CD200R1: variants seen among roughly 807,000 people sequenced by gnomAD.
CD200R1 encodes the protein cell surface glycoprotein CD200 receptor 1.
A neutral mutation model predicts 38.1 loss-of-function variants in CD200R1; 30 were observed. The ratio of observed to expected loss-of-function variants is 0.79; its 90% CI spans 0.59 to 1.07. CD200R1 has a LOEUF of 1.07. CD200R1 is among the 50% of genes least tolerant of loss of function. The pLI, the probability that CD200R1 is intolerant of heterozygous loss-of-function variation, is 0.00. For missense variants in CD200R1, 372 were observed against 415.4 expected, an observed-to-expected ratio of 0.90 and a Z score of 0.91; for synonymous variants, 128 against 152.1, an observed-to-expected ratio of 0.84 and a Z score of 1.16.
rs555296631 is a variant in CD200R1 at position 112,957,104 on chromosome 3, CA to C, written c.68-9181del. On this transcript the variant is annotated intron_variant, in intron 1 of 7. Coordinates refer to ENST00000308611, the MANE Select transcript of CD200R1 (RefSeq NM_138806.4). ...ATTTCCCCTCTTTCCCCCAAGTACA[CA>C]GTATTTCTCATCACACTGTGCTGTC... Among the ~76,000 whole-genome samples the C allele has an allele frequency of 4.5e-3, 679 of 152,264 alleles. 9 individuals carry two copies. The highest frequency in any genetic ancestry group is 0.016 in the South Asian group (78 of 4,818).
chr3:112,956,767 C>G (rs551412626), intron 1 of CD200R1, among the ~76,000 whole-genome samples: 1 of 152,184 alleles, frequency 6.6e-6, no homozygotes, highest in African/African-American at 2.4e-5. Flanking sequence ...AAGCCTAGTA[C>G]TACTATGGCC....
At chr3:112,965,642 T>TC (rs1456506939) in intron 1 of CD200R1, among the ~76,000 whole-genome samples, 1 of 152,088 alleles carries the variant, frequency 6.6e-6, no homozygotes, top group Non-Finnish European at 1.5e-5. Flanking sequence ...ACGCCTGTAG[T>TC]CCCAGCTCCT....
chr3:112,963,465 G>T (rs975446402), intron 1 of CD200R1, among the ~76,000 whole-genome samples: 15 of 152,328 alleles, frequency 9.8e-5, no homozygotes, highest in African/African-American at 2.4e-4. Flanking sequence ...TGAGGATCTT[G>T]TTGGGAACTG....
intron 1 of CD200R1, among the ~76,000 whole-genome samples, chr3:112,969,130 T>C (rs1240733495): frequency 6.6e-6 from 1 of 152,064 alleles, no homozygotes; most frequent in African/African-American, 2.4e-5. Flanking sequence ...AAAAAACTTT[T>C]AACAAATAAA....
Position 112,923,813 on chromosome 3 carries a change from C to G in CD200R1, c.925-14G>C. 6 of 1,506,720 alleles carry G rather than the reference C, an allele frequency of 4.0e-6. No individual in the cohort carries two copies. Among genetic ancestry groups the G allele is most frequent in the Non-Finnish European group, 5.4e-6 (6 of 1,102,902 alleles). 93.3% of individuals were successfully genotyped at this position (1,506,720 alleles called of 1,614,324 possible). Reference sequence around the variant, plus strand: ...CTGCATTTCATCCTAAGAAAGAACTCAAAGTTAAAATCAATTCAAAAAATC... The same window carrying G: ...CTGCATTTCATCCTAAGAAAGAACTGAAAGTTAAAATCAATTCAAAAAATC... On this transcript the variant is annotated splice_polypyrimidine_tract_variant and intron_variant, in intron 7 of 7. Transcript: ENST00000308611.
At chr3:112,945,331 T>A (rs918933716) in intron 2 of CD200R1, among the ~76,000 whole-genome samples, 1 of 152,182 alleles carries the variant, frequency 6.6e-6, no homozygotes, top group Non-Finnish European at 1.5e-5. Context: ...ACTATAAAGC[T>A]ACAATAATCA....
chr3:112,941,731 CAG>C (rs1940733278), intron 2 of CD200R1, among the ~76,000 whole-genome samples: 1 of 151,334 alleles, frequency 6.6e-6, no homozygotes, highest in Non-Finnish European at 1.5e-5. Context: ...CCAGGAAACT[CAG>C]AGAACGCCAA....
chr3:112,927,206 A>AT (rs5851867), intron 5 of CD200R1, among the ~76,000 whole-genome samples: 4,475 of 152,168 alleles, frequency 0.029, 203 homozygotes, highest in East Asian at 0.21. Context: ...GAAGAGAGGT[A>AT]TAAAAGGAAG....
At chr3:112,964,673 C>G (rs1480748392) in intron 1 of CD200R1, among the ~76,000 whole-genome samples, 6 of 152,144 alleles carry the variant, frequency 3.9e-5, no homozygotes, top group Admixed American at 6.5e-5. Flanking sequence ...CTTGCCTTGT[C>G]TCTGATGTGA....
chr3:112,961,554 A>C (rs570027298), intron 1 of CD200R1, among the ~76,000 whole-genome samples: 4 of 152,060 alleles, frequency 2.6e-5, no homozygotes, highest in South Asian at 2.1e-4. Flanking sequence ...CTAGGAAAAA[A>C]GTTCCAGGCA....
Position 112,941,738 on chromosome 3 carries a change from C to T in CD200R1, c.136+6118G>A, listed in dbSNP as rs527458987. ...TCACAGATCCAGGAAACTCAGAGAA[C>T]GCCAAGCAGAATAAATGCCAAAAAT... On this transcript the variant is annotated intron_variant, in intron 2 of 7. Transcript: ENST00000308611. 5.9e-5 allele frequency among the ~76,000 whole-genome samples: 9 copies of T among 151,536 alleles called. No homozygotes were observed. The South Asian group carries it at 6.2e-4, about 10-fold the overall frequency.
intron 2 of CD200R1, among the ~76,000 whole-genome samples, chr3:112,944,825 A>G (rs965769195): frequency 1.1e-4 from 17 of 152,108 alleles, no homozygotes; most frequent in African/African-American, 3.9e-4. Flanking sequence ...TACAAAAGTC[A>G]ATTTTTTGTA....
At position 112,929,360 on chromosome 3, in the gene CD200R1, T is replaced by A; in HGVS notation, c.350A>T (p.Glu117Val). ...CTKAYKKETN[E>V]TKETNCTDER... is the part of the protein sequence containing the mutation. ...ATCAGTACAGTTGGTTTCCTTGGTC[T>A]CATTTGTTTCTTTCTTGTAGGCTTT... The change falls in exon 4 of 8, where the codon GAG becomes GTG. Residue 117 changes from glutamate to valine, a missense_variant. By Grantham distance (121) the Glu-to-Val change is moderately radical. Coordinates refer to ENST00000308611, the MANE Select transcript of CD200R1 (RefSeq NM_138806.4). 1.2e-6 allele frequency: 2 copies of A among 1,614,144 alleles called. No homozygotes were observed. The highest frequency in any genetic ancestry group is 1.7e-6 in the Non-Finnish European group (2 of 1,180,006).
intron 1 of CD200R1, among the ~76,000 whole-genome samples, chr3:112,971,093 G>A (rs1158871326): frequency 6.6e-6 from 1 of 151,644 alleles, no homozygotes; most frequent in Non-Finnish European, 1.5e-5. Flanking sequence ...CAGTGTCCTT[G>A]GGGGATTAGT....
In CD200R1 at chr3:112,923,059, T is replaced by G. The variant is rs1940206847; in HGVS notation, c.*618A>C. On this transcript the variant is annotated 3_prime_UTR_variant, in exon 8 of 8. Coordinates refer to ENST00000308611, the MANE Select transcript of CD200R1 (RefSeq NM_138806.4). ...AACAAAACTTAAAAGAATCTAAATA[T>G]CCATCATTAGGGTTGTTTTTAATTA... 1 of 151,828 alleles carries G rather than the reference T, an allele frequency of 6.6e-6. No homozygotes were observed. The highest frequency in any genetic ancestry group is 2.4e-5 in the African/African-American group (1 of 41,396). 9.4% of individuals were successfully genotyped at this position (151,828 alleles called of 1,614,324 possible).
chr3:112,923,012 CAAACAAAACTTAAAAGAAAT>C lies in CD200R1; in HGVS notation c.*645_*664del, dbSNP rs1272465175. The C allele has an allele frequency of 1.3e-5, 2 of 151,832 alleles. No homozygotes were observed. The highest frequency in any genetic ancestry group is 2.4e-5 in the African/African-American group (1 of 41,478). The allele number at this position is 151,832 out of a possible 1,614,324, so 9.4% of individuals were successfully genotyped here. ...ATTCTATGTGGTATTGTTTATACCA[CAAACAAAACTTAAAAGAAAT>C]AAACAAAACTTAAAAGAATCTAAAT... On this transcript the variant is annotated 3_prime_UTR_variant, in exon 8 of 8. Transcript: ENST00000308611.
Position 112,922,545 on chromosome 3 carries a change from C to T in CD200R1, c.*1132G>A, listed in dbSNP as rs1408175133. 1.3e-5 allele frequency: 2 copies of T among 151,900 alleles called. No homozygotes were observed. Among genetic ancestry groups the T allele is most frequent in the African/African-American group, 4.8e-5 (2 of 41,410 alleles). The allele number at this position is 151,900 out of a possible 1,614,324, so 9.4% of individuals were successfully genotyped here. The stretch of plus-strand genomic sequence containing the variant: ...AATAAATATATCACAATAGAATGTA[C>T]ACCATAAAAATACACAATTCCAATG... On this transcript the variant is annotated 3_prime_UTR_variant, in exon 8 of 8. Transcript: ENST00000308611.
chr3:112,948,705 G>A (rs762920330), intron 1 of CD200R1, among the ~76,000 whole-genome samples: 1 of 152,150 alleles, frequency 6.6e-6, no homozygotes, highest in Admixed American at 6.5e-5. Context: ...CCAGGGTTGG[G>A]GACCCGTGAT....
chr3:112,954,546 C>A (rs1003394725), intron 1 of CD200R1, among the ~76,000 whole-genome samples: 1 of 152,166 alleles, frequency 6.6e-6, no homozygotes, highest in African/African-American at 2.4e-5. Context: ...CAGCCCCACC[C>A]TTCAACCTCT....
Sources: gnomAD v4.1 joint callset for allele counts (sites outside exome capture counted in the v4.1 genomes callset) on GRCh38, gnomAD v4.1.1 for gene constraint, MANE v1.5 for transcripts, NCBI Gene and HGNC (gene_info 2026-07-23, HGNC 2026-07-21) for gene names.